SAMD5: variants seen among roughly 807,000 people sequenced by gnomAD.
SAMD5 encodes sterile alpha motif domain-containing protein 5.
In SAMD5, 13 loss-of-function variants were observed where a neutral mutation model predicts 11.3. The observed-to-expected ratio is 1.15, with a 90% CI of 0.75 to 1.83. SAMD5 has a LOEUF of 1.83. Ranked by LOEUF, SAMD5 falls within the 40% of genes most tolerant of loss-of-function variation. The pLI, the probability that SAMD5 is intolerant of heterozygous loss-of-function variation, is 0.00. For synonymous variants in SAMD5, 129 were observed against 111.3 expected, an observed-to-expected ratio of 1.16 and a Z score of -1.00; for missense variants, 255 against 239.1, an observed-to-expected ratio of 1.07 and a Z score of -0.44.
chr6:147,839,486 T>A, the SAMD5 span, among the ~76,000 whole-genome samples: 1 of 152,194 alleles, frequency 6.6e-6, no homozygotes, highest in Non-Finnish European at 1.5e-5. Flanking sequence ...CAATGGCTCA[T>A]GCCTGTAATC....
chr6:147,759,963 C>A, the SAMD5 span, among the ~76,000 whole-genome samples: 2 of 152,116 alleles, frequency 1.3e-5, no homozygotes, highest in East Asian at 3.8e-4. Context: ...ACACTCTTCC[C>A]TATGAATTCA....
chr6:147,693,990 C>T (rs1041843660), intron 1 of SAMD5, among the ~76,000 whole-genome samples: 1 of 151,978 alleles, frequency 6.6e-6, no homozygotes, highest in Non-Finnish European at 1.5e-5. Context: ...AGATCCCGTC[C>T]AAGAGGAAGG....
the SAMD5 span, among the ~76,000 whole-genome samples, chr6:147,770,102 C>G: frequency 2.0e-5 from 3 of 152,274 alleles, no homozygotes; most frequent in African/African-American, 7.2e-5. Flanking sequence ...AAAAGAAATG[C>G]TTGGGTATAT....
At chr6:147,928,086 T>C in the SAMD5 span, among the ~76,000 whole-genome samples, 101 of 152,248 alleles carry the variant, frequency 6.6e-4, no homozygotes, top group Non-Finnish European at 1.0e-3. Context: ...TGTTGGGGAG[T>C]TTTGCATCAA....
chr6:147,865,632 A>G, the SAMD5 span, among the ~76,000 whole-genome samples: 2 of 152,124 alleles, frequency 1.3e-5, no homozygotes, highest in South Asian at 4.1e-4. Context: ...CTTTCCTGAC[A>G]TTTTCTGAAA....
At chr6:147,664,681 A>G (rs1173875127) in intron 1 of SAMD5, among the ~76,000 whole-genome samples, 1 of 152,210 alleles carries the variant, frequency 6.6e-6, no homozygotes, top group East Asian at 1.9e-4. Context: ...ATTTCTATGT[A>G]ATCTCTTGAG....
intron 1 of SAMD5, among the ~76,000 whole-genome samples, chr6:147,725,259 G>C (rs1226699043): frequency 3.3e-5 from 5 of 152,160 alleles, no homozygotes; most frequent in African/African-American, 1.2e-4. Flanking sequence ...ATGCAGACTA[G>C]CTGATTGATG....
At chr6:147,682,227 A>G (rs889610450) in intron 1 of SAMD5, among the ~76,000 whole-genome samples, 3 of 152,022 alleles carry the variant, frequency 2.0e-5, no homozygotes, top group African/African-American at 7.3e-5. Flanking sequence ...CTCATCTTGT[A>G]TGTTTCCTAT....
chr6:147,737,225 TGA>T (rs1012771905), intron 1 of SAMD5: 9 of 558,288 alleles, frequency 1.6e-5, no homozygotes, highest in Non-Finnish European at 2.1e-5. Flanking sequence ...TCGGGAAGGG[TGA>T]GTTTTCAGTT....
At chr6:147,788,751 A>G in the SAMD5 span, among the ~76,000 whole-genome samples, 1 of 152,148 alleles carries the variant, frequency 6.6e-6, no homozygotes, top group African/African-American at 2.4e-5. Context: ...GAGTGGCAAA[A>G]GTCACTTCTT....
chr6:147,666,183 C>A (rs372418302), intron 1 of SAMD5, among the ~76,000 whole-genome samples: 1 of 152,348 alleles, frequency 6.6e-6, no homozygotes, highest in Non-Finnish European at 1.5e-5. Context: ...GTGATCCGCC[C>A]GCCTCAGTCT....
At chr6:147,760,369 AT>A in the SAMD5 span, among the ~76,000 whole-genome samples, 1 of 152,090 alleles carries the variant, frequency 6.6e-6, no homozygotes, top group Non-Finnish European at 1.5e-5. Flanking sequence ...ATGTTTGATT[AT>A]TTTTTTGACT....
chr6:147,817,175 T>C, the SAMD5 span, among the ~76,000 whole-genome samples: 1 of 152,168 alleles, frequency 6.6e-6, no homozygotes, highest in Non-Finnish European at 1.5e-5. Flanking sequence ...TCTACCATGA[T>C]GTAAATTCCC....
At chr6:147,644,972 T>C (rs1330833282) in intron 1 of SAMD5, among the ~76,000 whole-genome samples, 1 of 152,154 alleles carries the variant, frequency 6.6e-6, no homozygotes, top group East Asian at 1.9e-4. Flanking sequence ...TTGATATGCA[T>C]AGAATCAGAG....
At chr6:147,798,966 A>T in the SAMD5 span, among the ~76,000 whole-genome samples, 2 of 152,100 alleles carry the variant, frequency 1.3e-5, no homozygotes, top group South Asian at 4.1e-4. Context: ...GTGTGTCTCT[A>T]CACGTGAGAT....
At chr6:147,658,846 G>A (rs1199199367) in intron 1 of SAMD5, among the ~76,000 whole-genome samples, 2 of 152,066 alleles carry the variant, frequency 1.3e-5, no homozygotes, top group African/African-American at 4.8e-5. Context: ...GAGTGTTCTG[G>A]GGACACATTG....
the SAMD5 span, among the ~76,000 whole-genome samples, chr6:147,826,991 A>T: frequency 1.3e-5 from 2 of 152,148 alleles, no homozygotes; most frequent in Admixed American, 1.3e-4. Context: ...CTACACCCGC[A>T]AGGATATCAA....
At chr6:147,684,622 A>G (rs1388885044) in intron 1 of SAMD5, among the ~76,000 whole-genome samples, 4 of 152,168 alleles carry the variant, frequency 2.6e-5, no homozygotes, top group African/African-American at 9.7e-5. Context: ...AACATTTAGC[A>G]TTGCCATCCT....
At chr6:147,873,653 A>G in the SAMD5 span, among the ~76,000 whole-genome samples, 1 of 152,200 alleles carries the variant, frequency 6.6e-6, no homozygotes. Flanking sequence ...TATTAAAAGT[A>G]TAAATTTTTA....
Sources: allele counts gnomAD v4.1 joint callset (sites outside exome capture counted in the v4.1 genomes callset), GRCh38; gene constraint gnomAD v4.1.1; transcripts MANE v1.5; gene names NCBI Gene and HGNC (gene_info 2026-07-23, HGNC 2026-07-21).